Variants in LRRC4C observed in about 807,000 individuals in gnomAD.
LRRC4C encodes the protein leucine rich repeat containing 4C, also known as leucine-rich repeat-containing protein 4C.
Under a neutral mutation model 33.6 loss-of-function variants are expected in LRRC4C, and 5 were observed. The observed-to-expected ratio is 0.15, with a 90% CI of 0.08 to 0.31. The LOEUF (loss-of-function observed/expected upper bound fraction) is 0.31. Among genes scored for constraint, LRRC4C ranks in the 10% least tolerant of loss-of-function variants. The pLI is 1.00. For missense variants in LRRC4C, 560 were observed against 796.7 expected (o/e 0.70, Z 3.58); for synonymous variants, 329 against 302.0 (o/e 1.09, Z -0.93).
intron 3 of LRRC4C, among the ~76,000 whole-genome samples, chr11:40,547,146 C>G (rs1956955983): frequency 6.6e-6 from 1 of 150,944 alleles, no homozygotes; most frequent in African/African-American, 2.4e-5. Context: ...TGTCTTTTCC[C>G]CAGGGCCATA....
chr11:40,198,324 C>T (rs373331532), intron 5 of LRRC4C, among the ~76,000 whole-genome samples: 3 of 152,156 alleles, frequency 2.0e-5, no homozygotes, highest in Admixed American at 2.0e-4. Flanking sequence ...TCTACAGCCA[C>T]CTATTTTCAG....
chr11:41,113,049 T>C (rs944444247), intron 1 of LRRC4C, among the ~76,000 whole-genome samples: 1 of 152,096 alleles, frequency 6.6e-6, no homozygotes, highest in Non-Finnish European at 1.5e-5. Flanking sequence ...TTGAGACATA[T>C]TATGATATTT....
At chr11:40,516,427 T>C (rs754332579) in intron 3 of LRRC4C, among the ~76,000 whole-genome samples, 1 of 152,072 alleles carries the variant, frequency 6.6e-6, no homozygotes, top group African/African-American at 2.4e-5. Flanking sequence ...CTAAACTAGT[T>C]AAATACAGAA....
intron 3 of LRRC4C, among the ~76,000 whole-genome samples, chr11:40,486,297 C>T (rs940084025): frequency 6.6e-6 from 1 of 151,822 alleles, no homozygotes; most frequent in African/African-American, 2.4e-5. Flanking sequence ...AAAATCAAGC[C>T]TTTAGTCCAA....
chr11:41,177,272 GAAAAGTGCAAATGGT>G (rs1945246633), intron 1 of LRRC4C, among the ~76,000 whole-genome samples: 1 of 152,174 alleles, frequency 6.6e-6, no homozygotes, highest in Non-Finnish European at 1.5e-5. Context: ...TAACCTGGTA[GAAAAGTGCAAATGGT>G]AATTATAGGG....
At chr11:40,759,513 GA>G (rs1949099894) in intron 2 of LRRC4C, among the ~76,000 whole-genome samples, 2 of 151,862 alleles carry the variant, frequency 1.3e-5, no homozygotes, top group Admixed American at 6.6e-5. Flanking sequence ...ATATTTGAGT[GA>G]ATAAGCTTTA....
intron 2 of LRRC4C, among the ~76,000 whole-genome samples, chr11:40,760,524 A>G (rs2137065174): frequency 6.6e-6 from 1 of 152,070 alleles, no homozygotes; most frequent in African/African-American, 2.4e-5. Flanking sequence ...CTCATGCTCA[A>G]TATTATGTAT....
At chr11:41,165,895 G>T (rs1428101840) in intron 1 of LRRC4C, among the ~76,000 whole-genome samples, 7 of 152,064 alleles carry the variant, frequency 4.6e-5, no homozygotes, top group Non-Finnish European at 5.9e-5. Context: ...GCTGGGCATG[G>T]TGGTGGGTGC....
At chr11:40,788,782 G>A (rs1950513658) in intron 2 of LRRC4C, among the ~76,000 whole-genome samples, 1 of 152,042 alleles carries the variant, frequency 6.6e-6, no homozygotes, top group Non-Finnish European at 1.5e-5. Flanking sequence ...TCTGAGAGGG[G>A]ACTAAAATTT....
intron 4 of LRRC4C, among the ~76,000 whole-genome samples, chr11:40,267,026 T>A (rs1461843361): frequency 6.9e-6 from 1 of 145,328 alleles, no homozygotes; most frequent in Non-Finnish European, 1.5e-5. Flanking sequence ...AGCTTCATCC[T>A]AAACCTTCCC....
chr11:40,259,511 C>T (rs1431983415), intron 4 of LRRC4C, among the ~76,000 whole-genome samples: 2 of 151,684 alleles, frequency 1.3e-5, no homozygotes, highest in Non-Finnish European at 3.0e-5. Flanking sequence ...AATGGTAATG[C>T]CTAGGTTTTC....
chr11:40,611,538 T>C (rs1374310458), intron 3 of LRRC4C, among the ~76,000 whole-genome samples: 1 of 151,896 alleles, frequency 6.6e-6, no homozygotes, highest in African/African-American at 2.4e-5. Flanking sequence ...AACTAATCGC[T>C]TCTGCACAGC....
At chr11:40,712,334 T>C (rs1462726512) in intron 2 of LRRC4C, among the ~76,000 whole-genome samples, 1 of 152,174 alleles carries the variant, frequency 6.6e-6, no homozygotes, top group African/African-American at 2.4e-5. Flanking sequence ...TTTCACTTAG[T>C]GGATTTCCCC....
rs531385111 is a variant in LRRC4C at position 40,392,902 on chromosome 11, G to C, written c.-269-73181C>G. Among the ~76,000 whole-genome samples the C allele has an allele frequency of 2.0e-5, 3 of 152,108 alleles. No individual in the cohort carries two copies. In the South Asian group the frequency reaches 6.2e-4, roughly 32 times the overall value. ...CGAAATGCCCCGCTGAATATTTCTT[G>C]GTGGGATAAAGAACCAGGGCTCAGT... On this transcript the variant is annotated intron_variant, in intron 3 of 6. Transcript: ENST00000528697.
At chr11:41,267,576 A>C (rs1006205800) in intron 1 of LRRC4C, among the ~76,000 whole-genome samples, 5 of 152,134 alleles carry the variant, frequency 3.3e-5, no homozygotes, top group African/African-American at 7.2e-5. Flanking sequence ...ACCTATTGCT[A>C]CTAACAGCTC....
intron 1 of LRRC4C, among the ~76,000 whole-genome samples, chr11:41,077,834 T>C (rs1939270456): frequency 6.6e-6 from 1 of 152,218 alleles, no homozygotes; most frequent in African/African-American, 2.4e-5. Context: ...ACGTTTATGC[T>C]CTGCTTCCCT....
intron 2 of LRRC4C, among the ~76,000 whole-genome samples, chr11:40,722,992 G>T (rs1404382409): frequency 1.3e-5 from 2 of 151,998 alleles, no homozygotes; most frequent in Non-Finnish European, 2.9e-5. Flanking sequence ...GACCAAGCAG[G>T]GGAAAGAATT....
At chr11:40,295,801 C>G (rs911520347) in intron 4 of LRRC4C, among the ~76,000 whole-genome samples, 4 of 152,098 alleles carry the variant, frequency 2.6e-5, no homozygotes, top group Admixed American at 1.3e-4. Flanking sequence ...AATGGCATTG[C>G]TTCTATTTTT....
chr11:40,150,876 T>C (rs557780631), intron 5 of LRRC4C, among the ~76,000 whole-genome samples: 6 of 152,270 alleles, frequency 3.9e-5, no homozygotes, highest in Non-Finnish European at 7.4e-5. Flanking sequence ...TAAGAATTTG[T>C]TATGGAGGTA....
Sources: gnomAD v4.1 joint callset for allele counts (sites outside exome capture counted in the v4.1 genomes callset) on GRCh38, gnomAD v4.1.1 for gene constraint, MANE v1.5 for transcripts, NCBI Gene and HGNC (gene_info 2026-07-23, HGNC 2026-07-21) for gene names.